BBX: variants seen among roughly 807,000 people sequenced by gnomAD.
BBX encodes the protein BBX high mobility group box domain containing, also known as HMG box transcription factor BBX.
In BBX, 30 loss-of-function variants were observed where a neutral mutation model predicts 100.2. The ratio of observed to expected loss-of-function variants is 0.30; its 90% confidence interval spans 0.22 to 0.41. The LOEUF is 0.41. BBX is among the 10% of genes least tolerant of loss of function. The pLI is 1.00. For synonymous variants in BBX, 376 were observed against 388.1 expected, an observed-to-expected ratio of 0.97 and a Z score of 0.37; for missense variants, 1,023 against 1,129.8, an observed-to-expected ratio of 0.91 and a Z score of 1.35.
intron 11 of BBX, 43 bp from the exon 12 acceptor site, chr3:107,774,676 C>T: frequency 6.3e-7 from 1 of 1,591,946 alleles, no homozygotes; most frequent in East Asian, 2.2e-5. Flanking sequence ...CTCCCCTCGC[C>T]CACCTGTATA....
At chr3:107,583,117 G>A (rs1018414717) in intron 2 of BBX, among the ~76,000 whole-genome samples, 1 of 151,562 alleles carries the variant, frequency 6.6e-6, no homozygotes, top group Non-Finnish European at 1.5e-5. Flanking sequence ...AACATATGAA[G>A]TTTAAAGAAC....
rs560648002 is a variant in BBX, at chr3:107,644,421, CATG to C, written c.-83-1412_-83-1410del. On this transcript the variant is annotated intron_variant, in intron 2 of 17. Coordinates refer to ENST00000325805, the MANE Select transcript of BBX (RefSeq NM_001142568.3). ...GACGTTTATTTACAGTTATTTACTT[CATG>C]ATATTTACTCATCTGTTTCATAATA... Among the ~76,000 whole-genome samples the C allele has an allele frequency of 5.3e-5, 8 of 152,208 alleles. No individual in the cohort carries two copies. In the South Asian group the frequency reaches 1.7e-3, roughly 32 times the overall value.
intron 12 of BBX, 129 bp from the exon 13 acceptor site, chr3:107,778,242 G>A (rs1234086892): frequency 2.2e-5 from 25 of 1,139,852 alleles, no homozygotes; most frequent in Non-Finnish European, 3.1e-5. Context: ...TTTTTTCCTT[G>A]CACAGAATTT....
rs1576475359 is a variant in BBX, at chr3:107,716,407, A to AGGAT, written c.163-200_163-199insGGAT. ...AGAGACATGCACAGGTTGCTATAGAAACTAAGCAGAAGGATACATCATAAG... is the reference window on the plus strand; with the variant it reads ...AGAGACATGCACAGGTTGCTATAGAAGGATACTAAGCAGAAGGATACATCATAAG... On this transcript the variant is annotated intron_variant, in intron 4 of 17. Coordinates refer to ENST00000325805, the MANE Select transcript of BBX (RefSeq NM_001142568.3). The AGGAT allele has an allele frequency of 4.9e-6, 3 of 609,036 alleles. No individual in the cohort carries two copies. In the East Asian group the frequency reaches 8.7e-5, roughly 18 times the overall value. The allele number at this position is 609,036 out of a possible 1,614,324, so 37.7% of individuals were successfully genotyped here.
intron 7 of BBX, among the ~76,000 whole-genome samples, chr3:107,738,164 C>A (rs1365954590): frequency 6.6e-6 from 1 of 151,840 alleles, no homozygotes; most frequent in Non-Finnish European, 1.5e-5. Flanking sequence ...ATATTCAATT[C>A]TCTGTTTATT....
At chr3:107,733,514 A>G (rs188663806) in intron 7 of BBX, among the ~76,000 whole-genome samples, 3 of 152,188 alleles carry the variant, frequency 2.0e-5, no homozygotes, top group Admixed American at 6.5e-5. Flanking sequence ...CCCCCTTGAG[A>G]CAGGGTCTCA....
At chr3:107,548,405 T>A (rs966785016) in intron 2 of BBX, among the ~76,000 whole-genome samples, 1 of 152,202 alleles carries the variant, frequency 6.6e-6, no homozygotes, top group Non-Finnish European at 1.5e-5. Context: ...TGTGGTCTGA[T>A]AATTTATGAA....
chr3:107,604,444 T>C (rs949852287), intron 2 of BBX, among the ~76,000 whole-genome samples: 1 of 152,184 alleles, frequency 6.6e-6, no homozygotes, highest in Non-Finnish European at 1.5e-5. Context: ...CTCCCCTTCC[T>C]GGAATTGCTC....
intron 13 of BBX, among the ~76,000 whole-genome samples, chr3:107,781,957 G>A (rs1382111638): frequency 1.3e-5 from 2 of 152,096 alleles, no homozygotes; most frequent in Non-Finnish European, 2.9e-5. Flanking sequence ...GTGGGGCCAA[G>A]CCAATAGTAC....
Position 107,716,023 on chromosome 3 carries a change from A to G in BBX, c.163-584A>G, listed in dbSNP as rs538784210. ...ATCGATTTTGATTTTTTTACACAAGACTCTACTTGTGATGCTTGCAGAAAC... is the reference window on the plus strand; with the variant it reads ...ATCGATTTTGATTTTTTTACACAAGGCTCTACTTGTGATGCTTGCAGAAAC... On this transcript the variant is annotated intron_variant, in intron 4 of 17. Coordinates refer to ENST00000325805, the MANE Select transcript of BBX (RefSeq NM_001142568.3). 1.2e-3 allele frequency among the ~76,000 whole-genome samples: 185 copies of G among 152,146 alleles called. 1 individual carries two copies. Among genetic ancestry groups the G allele is most frequent in the South Asian group, 2.3e-3 (11 of 4,816 alleles).
At chr3:107,757,656 G>A (rs1027090783) in intron 10 of BBX, among the ~76,000 whole-genome samples, 39 of 152,068 alleles carry the variant, frequency 2.6e-4, no homozygotes, top group African/African-American at 9.2e-4. Flanking sequence ...TTAAACTTAA[G>A]TATATGCACA....
intron 2 of BBX, among the ~76,000 whole-genome samples, chr3:107,601,867 C>T (rs2107622413): frequency 6.6e-6 from 1 of 152,310 alleles, no homozygotes; most frequent in Admixed American, 6.5e-5. Context: ...ATTTTCACAG[C>T]TAGAGAGAAG....
At chr3:107,780,767 A>T (rs373195096) in intron 13 of BBX, among the ~76,000 whole-genome samples, 1 of 152,062 alleles carries the variant, frequency 6.6e-6, no homozygotes, top group East Asian at 1.9e-4. Context: ...ATACTAGACT[A>T]CAAGTTATTA....
intron 2 of BBX, among the ~76,000 whole-genome samples, chr3:107,531,384 A>T (rs759377711): frequency 7.2e-5 from 11 of 152,130 alleles, no homozygotes; most frequent in Non-Finnish European, 1.3e-4. Flanking sequence ...CACATCCCTT[A>T]AACTTTTATT....
intron 2 of BBX, among the ~76,000 whole-genome samples, chr3:107,545,088 C>T (rs1392480950): frequency 6.6e-6 from 1 of 152,012 alleles, no homozygotes; most frequent in East Asian, 1.9e-4. Flanking sequence ...TTTACCTCTG[C>T]GGTTTATTGA....
intron 2 of BBX, among the ~76,000 whole-genome samples, chr3:107,627,833 GT>G (rs1409500822): frequency 6.6e-6 from 1 of 151,766 alleles, no homozygotes; most frequent in African/African-American, 2.4e-5. Flanking sequence ...CTTATTTAAT[GT>G]TTTTCTCTAA....
At chr3:107,530,918 A>T (rs1451234864) in intron 2 of BBX, among the ~76,000 whole-genome samples, 1 of 152,214 alleles carries the variant, frequency 6.6e-6, no homozygotes, top group Non-Finnish European at 1.5e-5. Flanking sequence ...TTCATGACTT[A>T]TAGTTTGAAA....
chr3:107,546,217 A>G (rs1326952016), intron 2 of BBX, among the ~76,000 whole-genome samples: 2 of 152,134 alleles, frequency 1.3e-5, no homozygotes, highest in African/African-American at 4.8e-5. Flanking sequence ...GCTACTGACC[A>G]TCCATATTTT....
At chr3:107,745,485 AGAGT>A in intron 8 of BBX, among the ~76,000 whole-genome samples, 1 of 152,024 alleles carries the variant, frequency 6.6e-6, no homozygotes, top group South Asian at 2.1e-4. Context: ...TTTTTAAGAG[AGAGT>A]CTCAATCTGT....
Sources: gnomAD v4.1 joint callset for allele counts (sites outside exome capture counted in the v4.1 genomes callset) on GRCh38, gnomAD v4.1.1 for gene constraint, MANE v1.5 for transcripts, NCBI Gene and HGNC (gene_info 2026-07-23, HGNC 2026-07-21) for gene names.